The following AKNA variants were observed in gnomAD, a reference collection of about 807,000 sequenced individuals.
AKNA encodes AT-hook transcription factor.
Under a neutral mutation model 138.8 loss-of-function variants are expected in AKNA, and 67 were observed. The observed-to-expected ratio is 0.48, with a 90% confidence interval of 0.40 to 0.59. The LOEUF (loss-of-function observed/expected upper bound fraction) is 0.59. AKNA is among the 20% of genes least tolerant of loss of function. AKNA has a pLI of 0.00. For missense variants in AKNA, 1,813 were observed against 1,880.4 expected (o/e 0.96, Z 0.66); for synonymous variants, 737 against 754.4 (o/e 0.98, Z 0.38).
upstream of AKNA, among the ~76,000 whole-genome samples, chr9:114,392,146 G>A (rs1834372408): frequency 6.6e-6 from 1 of 151,040 alleles, no homozygotes; most frequent in African/African-American, 2.4e-5. Context: ...CTGAGGGAAA[G>A]AGGAGGCAGG....
intron 5 of AKNA, chr9:114,368,085 C>T (rs2131980388): frequency 6.9e-6 from 2 of 288,444 alleles, no homozygotes; most frequent in East Asian, 6.0e-5. Flanking sequence ...GACAACAGTG[C>T]ACACCTCAGC....
chr9:114,341,935 T>A, intron 20 of AKNA, 74 bp downstream of exon 20: 1 of 1,447,544 alleles, frequency 6.9e-7, no homozygotes, highest in Non-Finnish European at 9.7e-7. Flanking sequence ...CCAGTTAAAC[T>A]CACCCAGGTC....
chr9:114,359,357 C>T, intron 11 of AKNA: 1 of 803,662 alleles, frequency 1.2e-6, no homozygotes. Context: ...GCATGAGCCA[C>T]TGTGCCCAGC....
intron 12 of AKNA, 91 bp downstream of exon 12, chr9:114,357,830 A>G: frequency 2.6e-6 from 4 of 1,555,618 alleles, no homozygotes; most frequent in Non-Finnish European, 3.4e-6. Flanking sequence ...CCAAGAAGGA[A>G]TAGCACAAGG....
chr9:114,335,771 C>CAAAAAA lies in AKNA; in HGVS notation c.*1277_*1282dup, dbSNP rs10610956. The CAAAAAA allele has an allele frequency of 3.0e-5, 3 of 101,638 alleles. No individual in the cohort carries two copies. Among genetic ancestry groups the CAAAAAA allele is most frequent in the Non-Finnish European group, 4.1e-5 (2 of 49,196 alleles). The allele number at this position is 101,638 out of a possible 1,614,324, so 6.3% of individuals were successfully genotyped here. On this transcript the variant is annotated 3_prime_UTR_variant, in exon 22 of 22. Transcript: ENST00000374088. The stretch of plus-strand genomic sequence containing the variant: ...GGGCAACCAGAGCAAAACTCAGTCT[C>CAAAAAA]AAAAAAAAAAAAAAAAAGAAAAAGA...
chr9:114,375,778 GTA>G (rs915157216), intron 3 of AKNA, among the ~76,000 whole-genome samples: 10 of 152,138 alleles, frequency 6.6e-5, no homozygotes, highest in African/African-American at 2.2e-4. Context: ...CTTCTCTCTT[GTA>G]TATGTTTTAA....
At position 114,377,029 on chromosome 9, in the gene AKNA, T is replaced by C. The variant is rs769142593; in HGVS notation, c.778A>G (p.Met260Val). 1.4e-5 allele frequency: 22 copies of C among 1,613,516 alleles called. No homozygotes were observed. The highest frequency in any genetic ancestry group is 2.2e-5 in the East Asian group (1 of 44,798). The change falls in exon 3 of 22, where the codon ATG becomes GTG. Residue 260 changes from methionine to valine, a missense_variant. Met to Val is a conservative substitution (Grantham distance 21). Transcript: ENST00000374088. Reference sequence around the variant, plus strand: ...GGAGCTGAGGAGTCCTGGAATTCCATGGGGGTTGCCCGAGCAACACTGCCT... The same window carrying C: ...GGAGCTGAGGAGTCCTGGAATTCCACGGGGGTTGCCCGAGCAACACTGCCT... ...TGGSVARATPMEFQDSSAPPA... is the reference protein window; with the variant it reads ...TGGSVARATPVEFQDSSAPPA...
chr9:114,356,009 G>A lies in AKNA; in HGVS notation c.2974C>T (p.Gln992Ter). 6.2e-7 allele frequency: 1 copy of A among 1,614,202 alleles called. No individual in the cohort carries two copies. The highest frequency in any genetic ancestry group is 1.1e-5 in the South Asian group (1 of 91,086). The change falls in exon 14 of 22, where the codon CAG (glutamine) becomes TAG (stop). Residue 992 changes from glutamine (Q) to a stop codon, truncating the protein, a stop_gained. Coordinates refer to ENST00000374088, the MANE Select transcript of AKNA (RefSeq NM_001317950.2). LOFTEE classifies it high-confidence loss of function. ...CCACTTGGGCTGGAGAGGTACCTCT[G>A]TGCTTGGCTCCGGGGTGTGCTGGGC... Reference protein sequence around the residue: ...TEPSTPRSQAQRYLSSPSGPL... With the variant: ...TEPSTPRSQA
In AKNA at chr9:114,358,253, A is replaced by G. The variant is rs1203105776; in HGVS notation, c.2493-86T>C. 7.6e-6 allele frequency: 12 copies of G among 1,571,786 alleles called. No homozygotes were observed. In the Admixed American group the frequency reaches 1.9e-4, roughly 25 times the overall value. ...GCCTGTCCTGGGAGCCAAGCAGCCCAGGGCACAAGCTCTGGAGTCAGACAT... is the reference window on the plus strand; with the variant it reads ...GCCTGTCCTGGGAGCCAAGCAGCCCGGGGCACAAGCTCTGGAGTCAGACAT... On this transcript the variant is annotated intron_variant, in intron 11 of 21. Transcript: ENST00000374088.
chr9:114,395,269 G>T (rs1834496898), upstream of AKNA, among the ~76,000 whole-genome samples: 1 of 152,102 alleles, frequency 6.6e-6, no homozygotes, highest in African/African-American at 2.4e-5. Context: ...TAATGTGTTT[G>T]TACGCAGGAC....
chr9:114,371,776 C>T (rs1261304769), intron 4 of AKNA, among the ~76,000 whole-genome samples: 4 of 152,182 alleles, frequency 2.6e-5, no homozygotes, highest in Admixed American at 2.0e-4. Context: ...ACATCCCCAG[C>T]GCGGCTCCCT....
chr9:114,377,838 A>G (rs947279788), intron 2 of AKNA, among the ~76,000 whole-genome samples: 2 of 152,214 alleles, frequency 1.3e-5, no homozygotes, highest in Non-Finnish European at 2.9e-5. Context: ...CATCTTTGCC[A>G]TCTCTCTCCC....
intron 5 of AKNA, 136 bp downstream of exon 5, chr9:114,368,303 G>A: frequency 9.9e-7 from 1 of 1,011,024 alleles, no homozygotes; most frequent in Non-Finnish European, 1.3e-6. Context: ...GAGTCAAAGT[G>A]CCCAGGGTGG....
rs537546153 is a variant in AKNA, at chr9:114,377,803, G to A, written c.275-271C>T. Among the ~76,000 whole-genome samples, 5 of 152,244 alleles carry A rather than the reference G, an allele frequency of 3.3e-5. No homozygotes were observed. The South Asian group carries it at 8.3e-4, about 25-fold the overall frequency. Reference sequence around the variant, plus strand: ...CAGACGGCAACACCATCCCCTCTATGCATACAGGCCAGAAGGCTGGGAGGC... The same window carrying A: ...CAGACGGCAACACCATCCCCTCTATACATACAGGCCAGAAGGCTGGGAGGC... On this transcript the variant is annotated intron_variant, in intron 2 of 21. Coordinates refer to ENST00000374088, the MANE Select transcript of AKNA (RefSeq NM_001317950.2).
chr9:114,331,669 T>C, downstream of AKNA: 1 of 1,613,196 alleles, frequency 6.2e-7, no homozygotes, highest in Non-Finnish European at 8.5e-7. Flanking sequence ...GGGCTGTCTT[T>C]CTATGGTAGG....
rs1306039508 is a variant in AKNA, at chr9:114,373,108, G to A, written c.1416+985C>T. Among the ~76,000 whole-genome samples the A allele has an allele frequency of 8.5e-5, 13 of 152,184 alleles. No homozygotes were observed. The East Asian group carries it at 2.5e-3, about 29-fold the overall frequency. On this transcript the variant is annotated intron_variant, in intron 4 of 21. Coordinates refer to ENST00000374088, the MANE Select transcript of AKNA (RefSeq NM_001317950.2). ...GCAGGGTCCTGGAGCATGACAGGGG[G>A]AGGCACTGGGGCATCTGCATCTCTG...
At chr9:114,383,096 G>A (rs950483535) in intron 1 of AKNA, 14 of 455,354 alleles carry the variant, frequency 3.1e-5, no homozygotes, top group Middle Eastern at 3.3e-4. Flanking sequence ...TTTCGCCGCC[G>A]ATGGCTGGGG....
At chr9:114,330,709 C>T, downstream of AKNA, 3 of 1,598,480 alleles carry the variant, frequency 1.9e-6, no homozygotes, top group Non-Finnish European at 2.6e-6. Flanking sequence ...CCACCAGACT[C>T]TTGCCCCGGG....
rs1482879598 is a variant in AKNA at position 114,377,525 on chromosome 9, T to G, written c.282A>C (p.Glu94Asp). ...TTGCTGGGCTGTCCACATCCTCTGC[T>G]TCAGCCTCTGGAAAGACAGGCCATT... ...ESGETSGEEAEAEDVDSPASS... is the reference protein window; with the variant it reads ...ESGETSGEEADAEDVDSPASS... The change falls in exon 3 of 22, where the codon GAA (glutamate) becomes GAC (aspartate). Residue 94 changes from glutamate (E) to aspartate (D), a missense_variant. By Grantham distance (45) the Glu-to-Asp change is conservative (BLOSUM62 2). Transcript: ENST00000374088. 2 of 1,595,258 alleles carry G rather than the reference T, an allele frequency of 1.3e-6. No homozygotes were observed.
Sources: allele counts gnomAD v4.1 joint callset (sites outside exome capture counted in the v4.1 genomes callset), GRCh38; gene constraint gnomAD v4.1.1; transcripts MANE v1.5; gene names NCBI Gene and HGNC (gene_info 2026-07-23, HGNC 2026-07-21).